The following RCAN1 variants were observed in gnomAD, a reference collection of about 807,000 sequenced individuals.
RCAN1 encodes calcipressin-1.
In RCAN1, 11 loss-of-function variants were observed where a neutral mutation model predicts 22.9. The ratio of observed to expected loss-of-function variants is 0.48; its 90% CI spans 0.30 to 0.79. RCAN1 has a LOEUF of 0.79. Ranked by LOEUF, RCAN1 falls within the 30% of genes least tolerant of loss-of-function variation. The pLI is 0.06. For missense variants in RCAN1, 291 were observed against 337.8 expected (o/e 0.86, Z 1.09); for synonymous variants, 136 against 142.3 (o/e 0.96, Z 0.32).
At chr21:34,571,203 G>A (rs1455459981) in intron 1 of RCAN1, among the ~76,000 whole-genome samples, 1 of 152,198 alleles carries the variant, frequency 6.6e-6, no homozygotes, top group East Asian at 1.9e-4. Flanking sequence ...TGAGGCAGGA[G>A]AATCACTTGA....
chr21:34,545,383 A>G (rs1413086050), intron 1 of RCAN1, among the ~76,000 whole-genome samples: 1 of 152,212 alleles, frequency 6.6e-6, no homozygotes, highest in Non-Finnish European at 1.5e-5. Flanking sequence ...GTGGGTGTCC[A>G]CTGAAAACTA....
intron 1 of RCAN1, chr21:34,525,553 A>G (rs1984987634): frequency 3.7e-6 from 2 of 535,114 alleles, no homozygotes; most frequent in Non-Finnish European, 3.0e-6. Context: ...TGAAGTTATG[A>G]TTCAGAATTT....
chr21:34,576,435 T>C (rs1480467435), intron 1 of RCAN1, among the ~76,000 whole-genome samples: 2 of 152,208 alleles, frequency 1.3e-5, no homozygotes, highest in African/African-American at 4.8e-5. Context: ...AGGGACACTG[T>C]CCAACTCGGA....
chr21:34,524,782 G>A (rs1410308008), intron 1 of RCAN1: 1 of 299,760 alleles, frequency 3.3e-6, no homozygotes, highest in East Asian at 6.4e-5. Context: ...GCTCGAGGTG[G>A]GGGATTACAA....
At chr21:34,583,516 T>A (rs2123700641) in intron 1 of RCAN1, among the ~76,000 whole-genome samples, 1 of 152,132 alleles carries the variant, frequency 6.6e-6, no homozygotes, top group South Asian at 2.1e-4. Context: ...GGTGTCTTTG[T>A]AAGAGGAGAG....
At chr21:34,530,643 T>TA (rs1985342815) in intron 1 of RCAN1, among the ~76,000 whole-genome samples, 1 of 126,532 alleles carries the variant, frequency 7.9e-6, no homozygotes, top group African/African-American at 2.9e-5. Flanking sequence ...TTTTTTTTTT[T>TA]GAGACAGTTT....
Position 34,614,544 on chromosome 21 carries a change from T to A in RCAN1, c.252+216A>T. 2.0e-6 allele frequency: 2 copies of A among 1,016,122 alleles called. No homozygotes were observed. Among genetic ancestry groups the A allele is most frequent in the Non-Finnish European group, 2.4e-6 (2 of 836,236 alleles). 62.9% of individuals were successfully genotyped at this position (1,016,122 alleles called of 1,614,324 possible). A position where few individuals can be genotyped will look rare whatever the true frequency, so the allele number is the denominator to read the frequency against. ...GGGGCGAGCCTGTGGGACTCTGCAG[T>A]GAGCTCCGCGCGCCCCGGGGGTGCT... On this transcript the variant is annotated intron_variant, in intron 1 of 3. Coordinates refer to ENST00000313806, the MANE Select transcript of RCAN1 (RefSeq NM_004414.7). This position sits in a 1 kb window ranked among gnomAD's most constrained non-coding sequence, Gnocchi z 6.0.
In RCAN1 at chr21:34,530,019, T is replaced by G. The variant is rs549114132; in HGVS notation, c.253-6309A>C. 6.5e-4 allele frequency among the ~76,000 whole-genome samples: 99 copies of G among 152,322 alleles called. No individual in the cohort carries two copies. In the South Asian group the frequency reaches 0.021, roughly 32 times the overall value. ...CGTGATTCTGAGGCCTCCCCAGCCA[T>G]GTGGAACTGTAAGTCCAATTAAACC... On this transcript the variant is annotated intron_variant, in intron 1 of 3. Transcript: ENST00000313806.
At chr21:34,552,249 G>A (rs777095187) in intron 1 of RCAN1, among the ~76,000 whole-genome samples, 1 of 152,180 alleles carries the variant, frequency 6.6e-6, no homozygotes, top group Non-Finnish European at 1.5e-5. Context: ...TCACCTGTGA[G>A]CTTGCCAGAA....
intron 1 of RCAN1, chr21:34,525,062 C>T: frequency 6.5e-7 from 1 of 1,550,064 alleles, no homozygotes; most frequent in Non-Finnish European, 8.7e-7. Context: ...GGATGGTAGG[C>T]AGCGCGGACA....
rs10541076 is a variant in RCAN1 at position 34,556,108 on chromosome 21, CAAAA to C, written c.253-32402_253-32399del. On this transcript the variant is annotated intron_variant, in intron 1 of 3. Transcript: ENST00000313806. ...AATAAATAAATAAATAATTAAAGGCCAAAAAAAAAAAAAAAAGAGCAGTAAAGAC... is the reference window on the plus strand; with the variant it reads ...AATAAATAAATAAATAATTAAAGGCCAAAAAAAAAAAAGAGCAGTAAAGAC... 9.3e-4 allele frequency among the ~76,000 whole-genome samples: 110 copies of C among 118,642 alleles called. 1 individual carries two copies. The highest frequency in any genetic ancestry group is 4.9e-3 in the South Asian group (17 of 3,478). The allele number at this position is 118,642 out of a possible 152,430, so 77.8% of individuals were successfully genotyped here.
intron 1 of RCAN1, among the ~76,000 whole-genome samples, chr21:34,533,181 T>C (rs6517243): frequency 0.39 from 58,312 of 151,152 alleles, 13,021 homozygotes; most frequent in African/African-American, 0.63. Flanking sequence ...AGGATGGTCT[T>C]GATCTCCTGA....
chr21:34,546,162 C>T (rs1415127773), intron 1 of RCAN1, among the ~76,000 whole-genome samples: 4 of 152,126 alleles, frequency 2.6e-5, no homozygotes, highest in African/African-American at 9.7e-5. Context: ...AAATAGATAA[C>T]AAACATTTCA....
At chr21:34,525,133 G>A (rs1437581256) in intron 1 of RCAN1, 2 of 1,550,450 alleles carry the variant, frequency 1.3e-6, no homozygotes, top group African/African-American at 2.7e-5. Flanking sequence ...GTGGGAGCGA[G>A]GATTCAGGAT....
chr21:34,593,472 C>T (rs547768409), intron 1 of RCAN1, among the ~76,000 whole-genome samples: 2 of 152,368 alleles, frequency 1.3e-5, no homozygotes, highest in South Asian at 2.1e-4. Context: ...AGAAGTGCCA[C>T]CCTTTCACAA....
rs536808758 is a variant in RCAN1 at position 34,577,600 on chromosome 21, A to AAAAC, written c.252+37156_252+37159dup. Among the ~76,000 whole-genome samples the AAAAC allele has an allele frequency of 4.1e-4, 62 of 152,220 alleles. No individual in the cohort carries two copies. The South Asian group carries it at 0.011, about 27-fold the overall frequency. ...AGTGACAGAGCCAGACCCTGTCTCA[A>AAAAC]AAACAAACAAACAAACAAACAAAAG... is the stretch of plus-strand genomic sequence containing the variant. On this transcript the variant is annotated intron_variant, in intron 1 of 3. Coordinates refer to ENST00000313806, the MANE Select transcript of RCAN1 (RefSeq NM_004414.7).
Position 34,541,114 on chromosome 21 carries a change from G to C in RCAN1, c.253-17404C>G, listed in dbSNP as rs143023466. On this transcript the variant is annotated intron_variant, in intron 1 of 3. Transcript: ENST00000313806. Reference sequence around the variant, plus strand: ...ACAGGGGCTTAAGATGGAAGCTTGAGTGATGAGACTGCAGCTCCAGTGATA... The same window carrying C: ...ACAGGGGCTTAAGATGGAAGCTTGACTGATGAGACTGCAGCTCCAGTGATA... 2.6e-3 allele frequency among the ~76,000 whole-genome samples: 397 copies of C among 152,306 alleles called. 5 individuals carry two copies. Among genetic ancestry groups the C allele is most frequent in the African/African-American group, 8.9e-3 (368 of 41,560 alleles).
chr21:34,569,917 C>T (rs1987174162), intron 1 of RCAN1, among the ~76,000 whole-genome samples: 1 of 152,204 alleles, frequency 6.6e-6, no homozygotes, highest in Admixed American at 6.5e-5. Context: ...ACAGGGCTCA[C>T]AAGATCCACT....
chr21:34,549,016 T>C (rs1174497649), intron 1 of RCAN1, among the ~76,000 whole-genome samples: 1 of 152,232 alleles, frequency 6.6e-6, no homozygotes, highest in Non-Finnish European at 1.5e-5. Flanking sequence ...ACACCCAGGA[T>C]AGGGACTATG....
Sources: gnomAD v4.1 joint callset for allele counts (sites outside exome capture counted in the v4.1 genomes callset) on GRCh38, gnomAD v4.1.1 for gene constraint, Gnocchi (gnomAD v3.1) non-coding constraint, MANE v1.5 for transcripts, NCBI Gene and HGNC (gene_info 2026-07-23, HGNC 2026-07-21) for gene names.